Variants in ASH1L observed in about 807,000 individuals in gnomAD.
ASH1L encodes the protein histone-lysine N-methyltransferase ASH1L.
ASH1L carries 23 observed loss-of-function variants against 269.0 expected under a neutral mutation model. The observed-to-expected ratio is 0.09, with a 90% confidence interval of 0.06 to 0.12. The LOEUF is 0.12. Among genes scored for constraint, ASH1L ranks in the 10% least tolerant of loss-of-function variants. The probability of loss-of-function intolerance (pLI) is 1.00; values close to 1 mark genes in which losing one functional copy is unlikely to be tolerated. For synonymous variants in ASH1L, 1,187 were observed against 1,253.5 expected, an observed-to-expected ratio of 0.95 and a Z score of 1.12; for missense variants, 2,912 against 3,567.8, an observed-to-expected ratio of 0.82 and a Z score of 4.68.
chr1:155,352,545 C>T (rs1654024227), intron 17 of ASH1L, among the ~76,000 whole-genome samples, 161 bp downstream of exon 17: 1 of 151,234 alleles, frequency 6.6e-6, no homozygotes, highest in Admixed American at 6.6e-5. Flanking sequence ...TAGCTCATAC[C>T]TGTAATCCCA....
rs563815033 is a variant in ASH1L at position 155,478,267 on chromosome 1, G to A, written c.4603C>T (p.Arg1535Cys). The A allele has an allele frequency of 1.7e-5, 28 of 1,614,044 alleles. No homozygotes were observed. The highest frequency in any genetic ancestry group is 1.0e-4 in the Admixed American group (6 of 60,006). Reference protein sequence around the residue: ...GERYKHKEKHRCHMSCPHLSP... With the variant: ...GERYKHKEKHCCHMSCPHLSP... The stretch of plus-strand genomic sequence containing the variant: ...AGATGAGGGCAGGACATGTGACAAC[G>A]GTGCTTTTCCTTATGCTTATATCGC... Residue 1535 changes from arginine to cysteine, a missense_variant, in exon 3 of 28, where the codon CGT (arginine) becomes TGT (cysteine). Transcript: ENST00000392403. This position sits in a 1 kb window ranked among gnomAD's most constrained non-coding sequence, Gnocchi z 4.6.
chr1:155,433,461 A>G, intron 5 of ASH1L: 1 of 1,610,578 alleles, frequency 6.2e-7, no homozygotes, highest in Non-Finnish European at 8.5e-7. Context: ...GAGACCTCTC[A>G]GCCTGAGGGC....
Position 155,342,106 on chromosome 1 carries a change from T to C in ASH1L, c.8294-4A>G. 1.2e-6 allele frequency: 2 copies of C among 1,613,968 alleles called. No individual in the cohort carries two copies. Among genetic ancestry groups the C allele is most frequent in the African/African-American group, 1.3e-5 (1 of 75,040 alleles). On this transcript the variant is annotated splice_region_variant and splice_polypyrimidine_tract_variant and intron_variant, in intron 24 of 27. Coordinates refer to ENST00000392403, the MANE Select transcript of ASH1L (RefSeq NM_018489.3). The stretch of plus-strand genomic sequence containing the variant: ...TCCTTTACTCCTTTGGGTCTCCCTA[T>C]GGGTCCAACCAGTGTTAAGGAATCC...
chr1:155,510,530 C>A (rs1020261146), intron 2 of ASH1L, among the ~76,000 whole-genome samples: 3 of 150,370 alleles, frequency 2.0e-5, no homozygotes, highest in Non-Finnish European at 4.4e-5. Context: ...AAAAAAGATA[C>A]AGAGCAGTAG....
intron 8 of ASH1L, among the ~76,000 whole-genome samples, chr1:155,379,215 T>C (rs1213400580): frequency 1.3e-5 from 2 of 152,160 alleles, no homozygotes; most frequent in African/African-American, 2.4e-5. Context: ...TATATTGGAA[T>C]AATCCCACCA....
At chr1:155,380,970 T>C (rs1021592917) in intron 7 of ASH1L, among the ~76,000 whole-genome samples, 8 of 152,150 alleles carry the variant, frequency 5.3e-5, no homozygotes, top group South Asian at 2.1e-4. Flanking sequence ...CATATAGTCA[T>C]GTGCCAATGT....
chr1:155,518,526 CAACAA>C (rs1158231787), intron 2 of ASH1L, among the ~76,000 whole-genome samples: 1 of 151,998 alleles, frequency 6.6e-6, no homozygotes, highest in Non-Finnish European at 1.5e-5. Flanking sequence ...GACAATTCAA[CAACAA>C]AACACAATTC....
intron 2 of ASH1L, among the ~76,000 whole-genome samples, chr1:155,492,874 G>C (rs1415521301): frequency 6.6e-6 from 1 of 151,958 alleles, no homozygotes; most frequent in Non-Finnish European, 1.5e-5. Flanking sequence ...GCCCAGGCTA[G>C]AGTGCAGTGT....
chr1:155,422,974 G>C (rs1660831435), intron 5 of ASH1L, among the ~76,000 whole-genome samples: 1 of 145,424 alleles, frequency 6.9e-6, no homozygotes, highest in Admixed American at 6.9e-5. Context: ...TTCAGACGGA[G>C]TCTCGCTTTG....
At chr1:155,372,183 G>A (rs1023027092) in intron 10 of ASH1L, among the ~76,000 whole-genome samples, 1 of 151,598 alleles carries the variant, frequency 6.6e-6, no homozygotes, top group Non-Finnish European at 1.5e-5. Flanking sequence ...GTAGAGATGG[G>A]GTTTCACCAT....
chr1:155,422,555 G>C (rs1220177992), intron 5 of ASH1L, among the ~76,000 whole-genome samples: 1 of 151,438 alleles, frequency 6.6e-6, no homozygotes, highest in Non-Finnish European at 1.5e-5. Flanking sequence ...ACTGCGTCCG[G>C]CTGCTAATGA....
At chr1:155,555,496 C>CAAAAAAAAAAAAAAAAA (rs57151613) in intron 1 of ASH1L, among the ~76,000 whole-genome samples, 1 of 55,096 alleles carries the variant, frequency 1.8e-5, no homozygotes, top group African/African-American at 6.5e-5. Flanking sequence ...GACTCTGTCT[C>CAAAAAAAAAAAAAAAAA]AAAAAAAAAA....
At chr1:155,364,522 G>T (rs1655236203) in intron 12 of ASH1L, among the ~76,000 whole-genome samples, 1 of 152,032 alleles carries the variant, frequency 6.6e-6, no homozygotes, top group Non-Finnish European at 1.5e-5. Flanking sequence ...GGTATGTAGT[G>T]GTTTTCCAAT....
chr1:155,505,650 T>C (rs1667767031), intron 2 of ASH1L, among the ~76,000 whole-genome samples: 1 of 152,154 alleles, frequency 6.6e-6, no homozygotes, highest in Admixed American at 6.5e-5. Flanking sequence ...GTTTCGTAAC[T>C]CTGTATACAC....
At chr1:155,482,585 T>A (rs992386501) in intron 2 of ASH1L, 136 bp from the exon 3 acceptor site, 1 of 843,760 alleles carries the variant, frequency 1.2e-6, no homozygotes, top group Non-Finnish European at 1.8e-6. Flanking sequence ...AAACCTAATA[T>A]TATACTTATG....
intron 12 of ASH1L, among the ~76,000 whole-genome samples, chr1:155,369,193 C>T (rs371850489): frequency 6.6e-6 from 1 of 152,286 alleles, no homozygotes; most frequent in Non-Finnish European, 1.5e-5. Context: ...CCTGTAATCC[C>T]AGCACTTTGG....
intron 1 of ASH1L, among the ~76,000 whole-genome samples, chr1:155,552,575 G>A (rs1391110717): frequency 6.6e-6 from 1 of 152,114 alleles, no homozygotes; most frequent in African/African-American, 2.4e-5. Context: ...GAACCCGGGA[G>A]GCAGAGCTTG....
intron 2 of ASH1L, among the ~76,000 whole-genome samples, chr1:155,518,564 C>T (rs943230751): frequency 6.6e-6 from 1 of 151,496 alleles, no homozygotes; most frequent in African/African-American, 2.4e-5. Context: ...ATAATTTGAA[C>T]AAACATTTCT....
At chr1:155,377,282 G>A (rs1571042360) in intron 10 of ASH1L, among the ~76,000 whole-genome samples, 2 of 152,100 alleles carry the variant, frequency 1.3e-5, no homozygotes, top group African/African-American at 4.8e-5. Context: ...CCCATATGAA[G>A]AGCATATCCC....
Sources: allele counts gnomAD v4.1 joint callset (sites outside exome capture counted in the v4.1 genomes callset), GRCh38; gene constraint gnomAD v4.1.1; non-coding constraint Gnocchi (gnomAD v3.1); transcripts MANE v1.5; gene names NCBI Gene and HGNC (gene_info 2026-07-23, HGNC 2026-07-21).